The following VCAM1 variants were observed in gnomAD, a reference collection of about 807,000 sequenced individuals.
VCAM1 encodes vascular cell adhesion protein 1.
Under a neutral mutation model 63.8 loss-of-function variants are expected in VCAM1, and 41 were observed. The ratio of observed to expected loss-of-function variants is 0.64; its 90% confidence interval spans 0.50 to 0.83. The LOEUF is 0.83. Ranked by LOEUF, VCAM1 falls within the 40% of genes least tolerant of loss-of-function variation. The pLI is 0.00. For missense variants in VCAM1, 798 were observed against 875.5 expected (o/e 0.91, Z 1.12); for synonymous variants, 338 against 320.7 (o/e 1.05, Z -0.58).
At chr1:100,737,435 A>G (rs986622688) in intron 8 of VCAM1, 3 of 152,174 alleles carry the variant, frequency 2.0e-5, no homozygotes, top group Non-Finnish European at 2.9e-5. Flanking sequence ...TTAATTTAGA[A>G]TGAGGGAGAT....
rs778131038 is a variant in VCAM1, at chr1:100,732,667, T to A, written c.1775T>A (p.Val592Glu). The change falls in exon 7 of 9, where the codon GTG becomes GAG. Residue 592 changes from valine to glutamate, a missense_variant. Physicochemically the swap from Val to Glu is moderately radical, Grantham distance 121. Transcript: ENST00000294728. ...CAGGCTGGAAGAAGCAGAAAGGAAG[T>A]GGAATTAATTATCCAAGGTGAGCAG... The part of the protein sequence containing the change: ...INQAGRSRKE[V>E]ELIIQVTPKD... 1 of 1,598,722 alleles carries A rather than the reference T, an allele frequency of 6.3e-7. No individual in the cohort carries two copies. The highest frequency in any genetic ancestry group is 1.1e-5 in the South Asian group (1 of 87,868).
At chr1:100,730,577 T>C (rs1557905385) in intron 5 of VCAM1, among the ~76,000 whole-genome samples, 1 of 152,158 alleles carries the variant, frequency 6.6e-6, no homozygotes, top group Admixed American at 6.6e-5. Context: ...TAAACTAAGT[T>C]GAGAACTTCC....
chr1:100,736,675 A>G (rs1660660212), intron 8 of VCAM1: 3 of 152,174 alleles, frequency 2.0e-5, no homozygotes, highest in African/African-American at 4.8e-5. Context: ...AATCATGTTG[A>G]TGGACATCCC....
In VCAM1 at chr1:100,738,356, A is replaced by C. The variant is rs1660735389; in HGVS notation, c.*73A>C. The C allele has an allele frequency of 2.0e-6, 3 of 1,488,424 alleles. No individual in the cohort carries two copies. The African/African-American group carries it at 4.2e-5, about 21-fold the overall frequency. The allele number at this position is 1,488,424 out of a possible 1,614,324, so 92.2% of individuals were successfully genotyped here. A position where few individuals can be genotyped will look rare whatever the true frequency, so the allele number is the denominator to read the frequency against. Reference sequence around the variant, plus strand: ...CCTTGATACTGCTCATCATTCCTTGAGAAAAACAATGAGCTGAGAGGCAGA... The same window carrying C: ...CCTTGATACTGCTCATCATTCCTTGCGAAAAACAATGAGCTGAGAGGCAGA... On this transcript the variant is annotated 3_prime_UTR_variant, in exon 9 of 9. Transcript: ENST00000294728.
chr1:100,734,814 T>C lies in VCAM1; in HGVS notation c.2059+46T>C, dbSNP rs111394557. 7 of 1,590,498 alleles carry C rather than the reference T, an allele frequency of 4.4e-6. No individual in the cohort carries two copies. In the African/African-American group the frequency reaches 6.8e-5, roughly 15 times the overall value. ...TGTTTTCTTGGTAATAGTTCAGAGG[T>C]TCCAAGGATTACTAAGAGTTTCCAA... On this transcript the variant is annotated intron_variant, in intron 8 of 8. Coordinates refer to ENST00000294728, the MANE Select transcript of VCAM1 (RefSeq NM_001078.4).
chr1:100,726,473 AGT>A (rs1660166020), intron 4 of VCAM1, among the ~76,000 whole-genome samples: 1 of 152,060 alleles, frequency 6.6e-6, no homozygotes, highest in Admixed American at 6.6e-5. Context: ...TTGATGACTC[AGT>A]GCCTCTGCTT....
rs1353064187 is a variant in VCAM1, at chr1:100,724,831, T to G, written c.869T>G (p.Val290Gly). Residue 290 changes from valine to glycine, a missense_variant, in exon 4 of 9, where the codon GTG (valine) becomes GGG (glycine). Transcript: ENST00000294728. ...AMRMEDSGIYVCEGVNLIGKN... is the reference protein window; with the variant it reads ...AMRMEDSGIYGCEGVNLIGKN... ...AGGATGGAAGATTCTGGAATTTATG[T>G]GTGTGAAGGAGTTAATTTGATTGGG... 6.2e-7 allele frequency: 1 copy of G among 1,612,962 alleles called. No homozygotes were observed.
At position 100,723,335 on chromosome 1, in the gene VCAM1, T is replaced by C. The variant is rs1031538107; in HGVS notation, c.656T>C (p.Val219Ala). The C allele has an allele frequency of 1.6e-5, 25 of 1,611,848 alleles. No homozygotes were observed. Among genetic ancestry groups the C allele is most frequent in the Non-Finnish European group, 2.0e-5 (24 of 1,178,632 alleles). ...TVRQAVKELQ[V>A]YISPKNTVIS... ...AGGCAGGCTGTAAAAGAATTGCAAG[T>C]CTACAGTAAGTACTTGTGCGATGTG... The change falls in exon 3 of 9, where the codon GTC becomes GCC. Residue 219 changes from valine to alanine, a missense_variant. Transcript: ENST00000294728.
At chr1:100,720,437 T>C in intron 1 of VCAM1, 39 bp from the exon 2 acceptor site, 2 of 1,589,552 alleles carry the variant, frequency 1.3e-6, no homozygotes, top group Non-Finnish European at 1.7e-6. Flanking sequence ...CTAGACAAAC[T>C]AGTGGTAAAT....
chr1:100,737,991 G>C (rs1254839526), intron 8 of VCAM1, 132 bp from the exon 9 acceptor site: 1 of 984,414 alleles, frequency 1.0e-6, no homozygotes. Context: ...GGTCCTGATG[G>C]TCCTTATCAC....
chr1:100,723,126 G>A lies in VCAM1; in HGVS notation c.447G>A (p.Glu149=), dbSNP rs751452005. 1 of 1,612,986 alleles carries A rather than the reference G, an allele frequency of 6.2e-7. No homozygotes were observed. The highest frequency in any genetic ancestry group is 1.3e-5 in the African/African-American group (1 of 74,840). The change falls in exon 3 of 9, where the codon GAG becomes GAA. Residue 149 remains glutamate (E), a synonymous_variant. Coordinates refer to ENST00000294728, the MANE Select transcript of VCAM1 (RefSeq NM_001078.4). ...ATGTATACCCATTTGACAGGCTGGA[G>A]ATAGACTTACTGAAAGGAGATCATC... ...VADVYPFDRL[E]IDLLKGDHLM...
At position 100,724,809 on chromosome 1, in the gene VCAM1, A is replaced by C; in HGVS notation, c.847A>C (p.Met283Leu). Residue 283 changes from methionine to leucine, a missense_variant, in exon 4 of 9, where the codon ATG (methionine) becomes CTG (leucine). Transcript: ENST00000294728. ...AACTCTCACCTTAATTGCTATGAGG[A>C]TGGAAGATTCTGGAATTTATGTGTG... ...NATLTLIAMR[M>L]EDSGIYVCEG... The C allele has an allele frequency of 6.2e-7, 1 of 1,613,012 alleles. No homozygotes were observed. Among genetic ancestry groups the C allele is most frequent in the Non-Finnish European group, 8.5e-7 (1 of 1,179,410 alleles).
At chr1:100,725,543 T>C (rs1352168336) in intron 4 of VCAM1, among the ~76,000 whole-genome samples, 1 of 152,066 alleles carries the variant, frequency 6.6e-6, no homozygotes, top group African/African-American at 2.4e-5. Flanking sequence ...ACACCACCTA[T>C]TGATTGTACA....
At position 100,734,851 on chromosome 1, in the gene VCAM1, T is replaced by C. The variant is rs1370252284; in HGVS notation, c.2059+83T>C. The C allele has an allele frequency of 4.7e-6, 7 of 1,491,524 alleles. No homozygotes were observed. The African/African-American group carries it at 9.8e-5, about 21-fold the overall frequency. The allele number at this position is 1,491,524 out of a possible 1,614,324, so 92.4% of individuals were successfully genotyped here. A position where few individuals can be genotyped will look rare whatever the true frequency, so the allele number is the denominator to read the frequency against. ...CTAAGAGTTTCCAATATTTGATGAA[T>C]GAGTTGGCAAAATGGAGCTGTGGTT... On this transcript the variant is annotated intron_variant, in intron 8 of 8. Transcript: ENST00000294728.
At chr1:100,733,728 A>G (rs1660549492) in intron 7 of VCAM1, among the ~76,000 whole-genome samples, 1 of 152,202 alleles carries the variant, frequency 6.6e-6, no homozygotes, top group Admixed American at 6.5e-5. Context: ...AGGATAGTGA[A>G]AAAGCCACAT....
At chr1:100,723,448 T>C (rs975729793) in intron 3 of VCAM1, 108 bp downstream of exon 3, 40 of 1,124,378 alleles carry the variant, frequency 3.6e-5, no homozygotes, top group Non-Finnish European at 5.0e-5. Flanking sequence ...GTATATAGTT[T>C]GTATTCCATT....
Position 100,731,424 on chromosome 1 carries a change from T to C in VCAM1, c.1431T>C (p.Thr477=). ...CCTTCATCCCTACCATTGAAGATACTGGAAAAGCTCTTGTTTGTCAGGCTA... is the reference window on the plus strand; with the variant it reads ...CCTTCATCCCTACCATTGAAGATACCGGAAAAGCTCTTGTTTGTCAGGCTA... ...EMTFIPTIED[T]GKALVCQAKL... The change falls in exon 6 of 9, where the codon ACT becomes ACC. Residue 477 remains threonine, a synonymous_variant. Transcript: ENST00000294728. This position sits in a 1 kb window ranked among gnomAD's most constrained non-coding sequence, Gnocchi z 4.2. 1 of 1,613,804 alleles carries C rather than the reference T, an allele frequency of 6.2e-7. No individual in the cohort carries two copies. Among genetic ancestry groups the C allele is most frequent in the Non-Finnish European group, 8.5e-7 (1 of 1,179,834 alleles).
intron 7 of VCAM1, among the ~76,000 whole-genome samples, chr1:100,733,271 G>T (rs1660529162): frequency 6.6e-6 from 1 of 152,142 alleles, no homozygotes; most frequent in Non-Finnish European, 1.5e-5. Context: ...TTATTAGTTC[G>T]CAGGTTGAAG....
chr1:100,729,463 A>C (rs1159621869), intron 5 of VCAM1, 81 bp downstream of exon 5: 1 of 1,455,284 alleles, frequency 6.9e-7, no homozygotes, highest in Non-Finnish European at 9.1e-7. Context: ...GTGAAGTGCA[A>C]TGAAATCCTT....
Sources: allele counts gnomAD v4.1 joint callset (sites outside exome capture counted in the v4.1 genomes callset), GRCh38; gene constraint gnomAD v4.1.1; non-coding constraint Gnocchi (gnomAD v3.1); transcripts MANE v1.5; gene names NCBI Gene and HGNC (gene_info 2026-07-23, HGNC 2026-07-21).